Variants in NXNL2 observed in about 807,000 individuals in gnomAD.
NXNL2 encodes nucleoredoxin-like protein 2.
NXNL2 carries 7 observed loss-of-function variants against 11.1 expected under a neutral mutation model. The observed-to-expected ratio is 0.63, with a 90% CI of 0.36 to 1.18. The LOEUF (loss-of-function observed/expected upper bound fraction) is 1.18, where lower values mean the gene tolerates loss of function less well. NXNL2 is among the 50% of genes most tolerant of loss of function. The pLI is 0.02. For synonymous variants in NXNL2, 109 were observed against 101.8 expected (o/e 1.07, Z -0.42); for missense variants, 233 against 217.7 (o/e 1.07, Z -0.44).
At chr9:88,540,118 G>C (rs1163711218) in intron 1 of NXNL2, among the ~76,000 whole-genome samples, 5 of 152,008 alleles carry the variant, frequency 3.3e-5, no homozygotes, top group South Asian at 2.1e-4. Flanking sequence ...GGATCACAAA[G>C]TCAGGAGATC....
chr9:88,535,423 C>T lies in NXNL2; in HGVS notation c.-12C>T, dbSNP rs575876144. Reference sequence around the variant, plus strand: ...GGTGTCCTCGGGTCTCAGGTGGCTGCGTGTCTGCGCCATGGTTGACATTCT... The same window carrying T: ...GGTGTCCTCGGGTCTCAGGTGGCTGTGTGTCTGCGCCATGGTTGACATTCT... On this transcript the variant is annotated 5_prime_UTR_variant, in exon 1 of 2. Transcript: ENST00000375854. 17 of 1,582,516 alleles carry T rather than the reference C, an allele frequency of 1.1e-5. No individual in the cohort carries two copies. Among genetic ancestry groups the T allele is most frequent in the African/African-American group, 2.7e-5 (2 of 74,160 alleles).
chr9:88,546,381 C>T (rs951941691), downstream of NXNL2, among the ~76,000 whole-genome samples: 1 of 149,182 alleles, frequency 6.7e-6, no homozygotes, highest in African/African-American at 2.5e-5. Flanking sequence ...GTGATGTGTC[C>T]TTTGAACCAT....
chr9:88,544,750 A>G lies in NXNL2; in HGVS notation c.*203A>G, dbSNP rs1399971806. 7 of 1,333,512 alleles carry G rather than the reference A, an allele frequency of 5.2e-6. No individual in the cohort carries two copies. In the African/African-American group the frequency reaches 7.6e-5, roughly 14 times the overall value. The allele number at this position is 1,333,512 out of a possible 1,614,324, so 82.6% of individuals were successfully genotyped here. A position where few individuals can be genotyped will look rare whatever the true frequency, so the allele number is the denominator to read the frequency against. On this transcript the variant is annotated 3_prime_UTR_variant, in exon 2 of 2. Transcript: ENST00000375854. ...TTTGATCATGCAGGCTGTTTGTATT[A>G]TAGTTATTTTTGTTATTCTTTGCAT...
chr9:88,541,541 G>A (rs950015331), intron 1 of NXNL2, among the ~76,000 whole-genome samples: 5 of 152,164 alleles, frequency 3.3e-5, no homozygotes, highest in Admixed American at 6.5e-5. Context: ...GATTACAGGC[G>A]TGAGCCACTG....
At chr9:88,563,466 G>A (rs547594120) in intron 1 of NXNL2, among the ~76,000 whole-genome samples, 3 of 152,228 alleles carry the variant, frequency 2.0e-5, no homozygotes, top group East Asian at 3.9e-4. Context: ...CATCTATCTC[G>A]AACCGCCCAC....
rs766951124 is a variant in NXNL2 at position 88,535,686 on chromosome 9, C to T, written c.252C>T (p.Arg84=). The part of the protein sequence containing the change: ...GSSQEMLDFM[R]ELHGAWLALP... ...CCCAGGAGATGCTGGACTTCATGCG[C>T]GAGCTGCATGGCGCCTGGCTGGCGC... Residue 84 remains arginine (R), a synonymous_variant, in exon 1 of 2, where the codon CGC becomes CGT. Coordinates refer to ENST00000375854, the MANE Select transcript of NXNL2 (RefSeq NM_001161625.2). 1.2e-6 allele frequency: 2 copies of T among 1,602,162 alleles called. No homozygotes were observed. The highest frequency in any genetic ancestry group is 8.5e-7 in the Non-Finnish European group (1 of 1,176,928).
intron 1 of NXNL2, among the ~76,000 whole-genome samples, chr9:88,543,172 A>G (rs1245410001): frequency 6.6e-6 from 1 of 151,922 alleles, no homozygotes; most frequent in African/African-American, 2.4e-5. Flanking sequence ...AGGCTAAGAA[A>G]CCTCTCATCA....
intron 1 of NXNL2, among the ~76,000 whole-genome samples, chr9:88,554,633 G>A (rs1260620868): frequency 6.6e-6 from 1 of 152,150 alleles, no homozygotes; most frequent in Non-Finnish European, 1.5e-5. Flanking sequence ...TTATATGTCT[G>A]CACTGAAGGA....
chr9:88,580,400 C>T (rs1350855678), downstream of NXNL2, among the ~76,000 whole-genome samples: 1 of 152,108 alleles, frequency 6.6e-6, no homozygotes, highest in African/African-American at 2.4e-5. Flanking sequence ...GGTGATCCAC[C>T]TGCCTCGGTC....
chr9:88,552,408 T>C (rs1437889937), intron 1 of NXNL2, among the ~76,000 whole-genome samples: 1 of 152,094 alleles, frequency 6.6e-6, no homozygotes, highest in Non-Finnish European at 1.5e-5. Flanking sequence ...CCTTTTAAAA[T>C]TTTACTTAAT....
At chr9:88,547,724 A>C, downstream of NXNL2, among the ~76,000 whole-genome samples, 1 of 152,192 alleles carries the variant, frequency 6.6e-6, no homozygotes, top group East Asian at 1.9e-4. Flanking sequence ...TTTTTGTTTA[A>C]GAATTATCTG....
Position 88,535,644 on chromosome 9 carries a change from G to A in NXNL2, c.210G>A (p.Val70=). The change falls in exon 1 of 2, where the codon GTG becomes GTA. Residue 70 remains valine, a synonymous_variant. Coordinates refer to ENST00000375854, the MANE Select transcript of NXNL2 (RefSeq NM_001161625.2). ...RRPAPFEVVF[V]SADGSSQEML... is the part of the protein sequence containing the mutation. Reference sequence around the variant, plus strand: ...CCGCGCCCTTCGAAGTGGTCTTCGTGTCAGCCGACGGCAGCTCCCAGGAGA... The same window carrying A: ...CCGCGCCCTTCGAAGTGGTCTTCGTATCAGCCGACGGCAGCTCCCAGGAGA... 2 of 1,608,840 alleles carry A rather than the reference G, an allele frequency of 1.2e-6. No individual in the cohort carries two copies. The highest frequency in any genetic ancestry group is 1.7e-6 in the Non-Finnish European group (2 of 1,179,422).
intron 1 of NXNL2, among the ~76,000 whole-genome samples, chr9:88,566,999 T>C (rs140068313): frequency 1.4e-5 from 2 of 145,698 alleles, no homozygotes; most frequent in Admixed American, 6.7e-5. Context: ...TATCTATCTA[T>C]CTATCTATCT....
intron 1 of NXNL2, among the ~76,000 whole-genome samples, chr9:88,538,013 T>C (rs903005575): frequency 2.0e-5 from 3 of 152,188 alleles, no homozygotes; most frequent in African/African-American, 7.2e-5. Context: ...ACTGGGCTCT[T>C]GGATTTTCCC....
rs188839308 is a variant in NXNL2 at position 88,552,312 on chromosome 9, G to A, written c.302+16576G>A. On this transcript the variant is annotated intron_variant, in intron 1 of 2. Transcript: ENST00000375855. Reference sequence around the variant, plus strand: ...CATTTCAATGGCTCTATTAGGGAGTGAAATTGCATGCATGTGTTTAAACTG... The same window carrying A: ...CATTTCAATGGCTCTATTAGGGAGTAAAATTGCATGCATGTGTTTAAACTG... 4.0e-3 allele frequency among the ~76,000 whole-genome samples: 601 copies of A among 152,024 alleles called. 2 individuals are homozygous for A. The highest frequency in any genetic ancestry group is 6.8e-3 in the Middle Eastern group (2 of 294).
chr9:88,567,959 C>T (rs1009146473), intron 1 of NXNL2, among the ~76,000 whole-genome samples: 2 of 152,156 alleles, frequency 1.3e-5, no homozygotes, highest in Non-Finnish European at 2.9e-5. Flanking sequence ...GTGCCAGTCC[C>T]TCCTTAAATT....
chr9:88,567,446 T>C (rs977939072), intron 1 of NXNL2, among the ~76,000 whole-genome samples: 1 of 152,234 alleles, frequency 6.6e-6, no homozygotes, highest in Non-Finnish European at 1.5e-5. Flanking sequence ...CTTGAATTCT[T>C]TTTAATGTCT....
At chr9:88,537,022 T>C (rs1351998036) in intron 1 of NXNL2, among the ~76,000 whole-genome samples, 1 of 152,242 alleles carries the variant, frequency 6.6e-6, no homozygotes, top group African/African-American at 2.4e-5. Context: ...CGAGAGACGA[T>C]GGCAGTATCA....
At chr9:88,540,798 C>T (rs1829740834) in intron 1 of NXNL2, among the ~76,000 whole-genome samples, 1 of 146,130 alleles carries the variant, frequency 6.8e-6, no homozygotes, top group Non-Finnish European at 1.5e-5. Context: ...GGTCATGCAG[C>T]CCCAGAAAGG....
Sources: gnomAD v4.1 joint callset for allele counts (sites outside exome capture counted in the v4.1 genomes callset) on GRCh38, gnomAD v4.1.1 for gene constraint, MANE v1.5 for transcripts, NCBI Gene and HGNC (gene_info 2026-07-23, HGNC 2026-07-21) for gene names.